Variants in FBXL13 observed in about 807,000 individuals in gnomAD.
FBXL13 encodes the protein F-box and leucine-rich repeat protein 13.
A neutral mutation model predicts 83.6 loss-of-function variants in FBXL13; 67 were observed. The ratio of observed to expected loss-of-function variants is 0.80; its 90% CI spans 0.66 to 0.98. FBXL13 has a LOEUF of 0.98. Ranked by LOEUF, FBXL13 falls within the 50% of genes least tolerant of loss-of-function variation. The pLI is 0.00. For synonymous variants in FBXL13, 272 were observed against 299.5 expected, an observed-to-expected ratio of 0.91 and a Z score of 0.95; for missense variants, 822 against 866.5, an observed-to-expected ratio of 0.95 and a Z score of 0.64.
At chr7:103,014,297 G>A (rs1222650985) in intron 6 of FBXL13, among the ~76,000 whole-genome samples, 1 of 152,130 alleles carries the variant, frequency 6.6e-6, no homozygotes, top group Non-Finnish European at 1.5e-5. Flanking sequence ...TGAGGCTGCA[G>A]TGAGCCATGA....
At chr7:102,870,181 C>G (rs1808336753) in intron 16 of FBXL13, among the ~76,000 whole-genome samples, 1 of 152,136 alleles carries the variant, frequency 6.6e-6, no homozygotes, top group Non-Finnish European at 1.5e-5. Flanking sequence ...ATTTAAGACC[C>G]ATTATTACTG....
intron 6 of FBXL13, among the ~76,000 whole-genome samples, chr7:103,023,240 C>T (rs1793429576): frequency 6.6e-6 from 1 of 152,138 alleles, no homozygotes; most frequent in Admixed American, 6.6e-5. Context: ...CGCGCCACTG[C>T]ACTCCAGCCT....
At chr7:103,029,318 A>G in intron 3 of FBXL13, 33 bp downstream of exon 4, 5 of 1,369,898 alleles carry the variant, frequency 3.6e-6, no homozygotes, top group Non-Finnish European at 5.0e-6. Context: ...TAAAAACTCA[A>G]AGAGGAAGAA....
At chr7:103,027,507 A>C (rs1480465140) in exon 5 of FBXL13, 1 of 1,613,332 alleles carries the variant, frequency 6.2e-7, no homozygotes, top group Admixed American at 1.7e-5. Context: ...TTTTGTTAGG[A>C]TAATGGTTAG....
chr7:103,054,931 C>A (rs1237895487), intron 2 of FBXL13, among the ~76,000 whole-genome samples, 157 bp downstream of exon 3: 1 of 151,844 alleles, frequency 6.6e-6, no homozygotes, highest in Admixed American at 6.6e-5. Flanking sequence ...GCTTTGCATG[C>A]GTCTGTGTAT....
At chr7:102,839,257 T>A (rs1274992411) in intron 17 of FBXL13, among the ~76,000 whole-genome samples, 1 of 152,210 alleles carries the variant, frequency 6.6e-6, no homozygotes, top group African/African-American at 2.4e-5. Flanking sequence ...ATTTTCTTGC[T>A]GACCTTCTCC....
intron 11 of FBXL13, among the ~76,000 whole-genome samples, chr7:102,886,026 T>C (rs1563044738): frequency 6.6e-6 from 1 of 152,226 alleles, no homozygotes; most frequent in Non-Finnish European, 1.5e-5. Context: ...TACTGTAGCT[T>C]TGTAGTACCG....
At chr7:103,051,415 C>T (rs967693084) in intron 2 of FBXL13, among the ~76,000 whole-genome samples, 1 of 151,428 alleles carries the variant, frequency 6.6e-6, no homozygotes, top group African/African-American at 2.4e-5. Flanking sequence ...GAAATTTGCT[C>T]AAAGAAACTC....
chr7:102,849,110 C>T (rs897142096), intron 17 of FBXL13, among the ~76,000 whole-genome samples: 6 of 152,082 alleles, frequency 3.9e-5, no homozygotes, highest in Admixed American at 6.6e-5. Flanking sequence ...GCATTTAAGC[C>T]CATTTCTTTG....
At chr7:102,986,409 G>A (rs1378585163) in intron 6 of FBXL13, among the ~76,000 whole-genome samples, 1 of 152,146 alleles carries the variant, frequency 6.6e-6, no homozygotes, top group Admixed American at 6.5e-5. Context: ...CCTCTAATGG[G>A]CACCATCAGA....
chr7:102,826,722 C>G (rs1333893442), intron 18 of FBXL13, among the ~76,000 whole-genome samples: 1 of 61,520 alleles, frequency 1.6e-5, no homozygotes, highest in Non-Finnish European at 3.3e-5. Context: ...GAGACCCTGT[C>G]TCATATATAT....
chr7:103,064,440 G>A (rs78675314), intron 1 of FBXL13, among the ~76,000 whole-genome samples: 4,127 of 152,300 alleles, frequency 0.027, 100 homozygotes, highest in Non-Finnish European at 0.036. Flanking sequence ...TAAATGCCCA[G>A]TAGACATCTG....
chr7:103,057,051 T>C (rs1797407033), intron 1 of FBXL13, among the ~76,000 whole-genome samples: 1 of 152,206 alleles, frequency 6.6e-6, no homozygotes, highest in Non-Finnish European at 1.5e-5. Flanking sequence ...AGATTCTGGA[T>C]ATTAGTCCTT....
intron 11 of FBXL13, among the ~76,000 whole-genome samples, chr7:102,905,784 G>C (rs568476210): frequency 9.2e-5 from 14 of 152,024 alleles, no homozygotes; most frequent in African/African-American, 2.7e-4. Context: ...TGTATCTACT[G>C]TATGATTTTT....
intron 6 of FBXL13, among the ~76,000 whole-genome samples, chr7:103,012,554 A>C (rs1791765163): frequency 6.6e-6 from 1 of 152,180 alleles, no homozygotes; most frequent in Admixed American, 6.5e-5. Context: ...TATGCAGCCA[A>C]GTTGTTTCCT....
intron 2 of FBXL13, among the ~76,000 whole-genome samples, chr7:103,041,013 C>T (rs565458500): frequency 7.2e-5 from 11 of 152,116 alleles, no homozygotes; most frequent in Admixed American, 3.9e-4. Context: ...ACAAAAAACC[C>T]TTCGAAAAAC....
chr7:103,069,461 G>A (rs1004447375), intron 1 of FBXL13, among the ~76,000 whole-genome samples: 6 of 152,166 alleles, frequency 3.9e-5, no homozygotes, highest in African/African-American at 1.4e-4. Context: ...GGCCTAGAAG[G>A]GAAACTAAAG....
intron 6 of FBXL13, among the ~76,000 whole-genome samples, chr7:102,986,022 C>CG (rs1201037158): frequency 6.6e-6 from 1 of 151,982 alleles, no homozygotes; most frequent in African/African-American, 2.4e-5. Flanking sequence ...ACGATGCCCC[C>CG]CCCCCATCAA....
chr7:102,931,838 T>G, intron 9 of FBXL13, 43 bp downstream of exon 10: 2 of 1,581,412 alleles, frequency 1.3e-6, no homozygotes, highest in Non-Finnish European at 1.7e-6. Context: ...ATGTAGCAAG[T>G]CAATCTATAT....
Sources: gnomAD v4.1 joint callset for allele counts (sites outside exome capture counted in the v4.1 genomes callset) on GRCh38, gnomAD v4.1.1 for gene constraint, MANE v1.5 for transcripts, NCBI Gene and HGNC (gene_info 2026-07-23, HGNC 2026-07-21) for gene names.